The following GSTCD variants were observed in gnomAD, a reference collection of about 807,000 sequenced individuals.
GSTCD encodes the protein glutathione S-transferase C-terminal domain-containing protein.
Under a neutral mutation model 68.3 loss-of-function variants are expected in GSTCD, and 44 were observed. The observed-to-expected ratio is 0.64, with a 90% CI of 0.51 to 0.83. The LOEUF (loss-of-function observed/expected upper bound fraction) is 0.83. GSTCD is among the 40% of genes least tolerant of loss of function. The pLI is 0.00. For missense variants in GSTCD, 739 were observed against 735.9 expected (o/e 1.00, Z -0.05); for synonymous variants, 273 against 255.2 (o/e 1.07, Z -0.67).
chr4:105,765,305 A>G (rs1560818179), intron 5 of GSTCD, among the ~76,000 whole-genome samples: 1 of 152,208 alleles, frequency 6.6e-6, no homozygotes, highest in African/African-American at 2.4e-5. Flanking sequence ...CAAGGTAGCA[A>G]TGTTGCTGTA....
intron 5 of GSTCD, among the ~76,000 whole-genome samples, chr4:105,758,941 T>C (rs978946901): frequency 1.3e-5 from 2 of 152,224 alleles, no homozygotes; most frequent in Admixed American, 6.5e-5. Context: ...AGGTATTTGG[T>C]TTAATATCTG....
intron 11 of GSTCD, 84 bp downstream of exon 11, chr4:105,842,218 T>A (rs1724379437): frequency 9.6e-7 from 1 of 1,038,372 alleles, no homozygotes; most frequent in South Asian, 1.4e-5. Context: ...ATGGGAAAAA[T>A]TTAGCAACAT....
At chr4:105,837,302 C>A (rs1216690179) in intron 9 of GSTCD, among the ~76,000 whole-genome samples, 4 of 152,174 alleles carry the variant, frequency 2.6e-5, no homozygotes, top group Non-Finnish European at 5.9e-5. Flanking sequence ...TGCCCTACTA[C>A]CCTAGGGCCA....
chr4:105,791,008 G>A (rs1030039991), intron 5 of GSTCD, among the ~76,000 whole-genome samples: 6 of 151,914 alleles, frequency 3.9e-5, no homozygotes, highest in Non-Finnish European at 7.4e-5. Context: ...TTTAGGAAAA[G>A]TGAACTGATT....
intron 5 of GSTCD, among the ~76,000 whole-genome samples, chr4:105,742,705 T>C (rs901793697): frequency 7.7e-5 from 8 of 104,168 alleles, no homozygotes; most frequent in Non-Finnish European, 1.3e-4. Flanking sequence ...TTGTTGTTTT[T>C]ACTTTTTTTT....
intron 5 of GSTCD, among the ~76,000 whole-genome samples, chr4:105,745,668 C>A (rs1432986404): frequency 6.6e-6 from 1 of 152,150 alleles, no homozygotes; most frequent in African/African-American, 2.4e-5. Context: ...TTAATCCATG[C>A]ATTATTTCAC....
chr4:105,837,803 A>G, intron 9 of GSTCD, 56 bp from the exon 10 acceptor site: 1 of 745,282 alleles, frequency 1.3e-6, no homozygotes, highest in Non-Finnish European at 2.2e-6. Context: ...TTTCTTCAAG[A>G]TTATCTTACT....
chr4:105,738,893 G>A (rs192294058), intron 5 of GSTCD, among the ~76,000 whole-genome samples: 1 of 152,218 alleles, frequency 6.6e-6, no homozygotes, highest in East Asian at 1.9e-4. Flanking sequence ...GGAGTGGTGA[G>A]AATGGGCATC....
rs201602122 is a variant in GSTCD, at chr4:105,794,889, A to ATCTATCTATCTG, written c.1241-28060_1241-28059insCTATCTGTCTAT. 1.6e-3 allele frequency among the ~76,000 whole-genome samples: 228 copies of ATCTATCTATCTG among 140,630 alleles called. 4 individuals are homozygous for ATCTATCTATCTG. Among genetic ancestry groups the ATCTATCTATCTG allele is most frequent in the South Asian group, 3.3e-3 (14 of 4,298 alleles). 92.3% of individuals were successfully genotyped at this position (140,630 alleles called of 152,430 possible). On this transcript the variant is annotated intron_variant, in intron 5 of 11. Coordinates refer to ENST00000515279, the MANE Select transcript of GSTCD (RefSeq NM_001370181.1). Reference sequence around the variant, plus strand: ...TATCTATCTATCTATCTATCTATCTATCTATGAGACAGAGTCTCACTCTGT... The same window carrying ATCTATCTATCTG: ...TATCTATCTATCTATCTATCTATCTATCTATCTATCTGTCTATGAGACAGAGTCTCACTCTGT...
At chr4:105,787,605 G>T (rs1735512364) in intron 5 of GSTCD, among the ~76,000 whole-genome samples, 1 of 151,886 alleles carries the variant, frequency 6.6e-6, no homozygotes, top group African/African-American at 2.4e-5. Flanking sequence ...AAGCAGCATT[G>T]TCCCTTTTGA....
chr4:105,792,047 T>C (rs1461576405), intron 5 of GSTCD, among the ~76,000 whole-genome samples: 3 of 152,146 alleles, frequency 2.0e-5, no homozygotes, highest in African/African-American at 7.3e-5. Flanking sequence ...TATATGCTTC[T>C]GTTGTGGACT....
At chr4:105,787,712 G>GA (rs761078563) in intron 5 of GSTCD, among the ~76,000 whole-genome samples, 6 of 151,234 alleles carry the variant, frequency 4.0e-5, no homozygotes, top group Non-Finnish European at 7.4e-5. Flanking sequence ...GATACTGATG[G>GA]AAAAAAAAGA....
intron 5 of GSTCD, among the ~76,000 whole-genome samples, chr4:105,801,832 AT>A (rs1005761306): frequency 6.6e-5 from 10 of 152,156 alleles, no homozygotes; most frequent in African/African-American, 2.4e-4. Context: ...GATAATTAGC[AT>A]CATTTTATAA....
chr4:105,826,634 C>T (rs1210846829), intron 8 of GSTCD, among the ~76,000 whole-genome samples: 1 of 151,924 alleles, frequency 6.6e-6, no homozygotes, highest in African/African-American at 2.4e-5. Context: ...TTGTTAAGAC[C>T]ATACTACATA....
chr4:105,817,648 A>G (rs2553457), intron 5 of GSTCD, among the ~76,000 whole-genome samples: 132,459 of 151,742 alleles, frequency 0.87, 58,130 homozygotes, highest in East Asian at 0.96. Context: ...ACAAGGTATC[A>G]CCAAAATTTA....
chr4:105,742,499 C>G (rs1353506037), intron 5 of GSTCD, among the ~76,000 whole-genome samples: 1 of 152,174 alleles, frequency 6.6e-6, no homozygotes, highest in Admixed American at 6.5e-5. Flanking sequence ...CTCAACTTCT[C>G]CGTGCCTTGG....
chr4:105,797,189 A>C lies in GSTCD; in HGVS notation c.1241-25765A>C, dbSNP rs895937805. 4.6e-5 allele frequency among the ~76,000 whole-genome samples: 7 copies of C among 151,850 alleles called. No individual in the cohort carries two copies. In the South Asian group the frequency reaches 1.5e-3, roughly 32 times the overall value. The stretch of plus-strand genomic sequence containing the variant: ...ACCTATCATGTTAGGTAGTTAGTTA[A>C]TTTCTTTCCCACTACCTCAACTTTT... On this transcript the variant is annotated intron_variant, in intron 5 of 11. Coordinates refer to ENST00000515279, the MANE Select transcript of GSTCD (RefSeq NM_001370181.1).
rs1436724806 is a variant in GSTCD, at chr4:105,845,688, A to G, written c.*111A>G. On this transcript the variant is annotated 3_prime_UTR_variant, in exon 12 of 12. Transcript: ENST00000515279. ...AAACAGCATTAGCCATCTTGAACCT[A>G]TTGTGCTCAGGAAGGAAAGCAACAG... The G allele has an allele frequency of 9.7e-6, 11 of 1,136,510 alleles. No homozygotes were observed. Among genetic ancestry groups the G allele is most frequent in the East Asian group, 2.4e-5 (1 of 41,738 alleles). The allele number at this position is 1,136,510 out of a possible 1,614,324, so 70.4% of individuals were successfully genotyped here. A position where few individuals can be genotyped will look rare whatever the true frequency, so the allele number is the denominator to read the frequency against.
intron 5 of GSTCD, among the ~76,000 whole-genome samples, chr4:105,789,106 G>C (rs185240680): frequency 6.6e-6 from 1 of 152,114 alleles, no homozygotes; most frequent in African/African-American, 2.4e-5. Context: ...TGTAGTTTGT[G>C]TGTCTATATG....
Sources: gnomAD v4.1 joint callset for allele counts (sites outside exome capture counted in the v4.1 genomes callset) on GRCh38, gnomAD v4.1.1 for gene constraint, MANE v1.5 for transcripts, NCBI Gene and HGNC (gene_info 2026-07-23, HGNC 2026-07-21) for gene names.